The following SLC22A12 variants were observed in gnomAD, a reference collection of about 807,000 sequenced individuals.
SLC22A12 encodes the protein organic anion transporter 4-like protein.
Under a neutral mutation model 52.7 loss-of-function variants are expected in SLC22A12, and 56 were observed. The ratio of observed to expected loss-of-function variants is 1.06; its 90% confidence interval spans 0.86 to 1.33. SLC22A12 has a LOEUF of 1.33. Among genes scored for constraint, SLC22A12 ranks in the 40% most tolerant of loss-of-function variants. SLC22A12 has a pLI of 0.00. For missense variants in SLC22A12, 683 were observed against 741.5 expected, an observed-to-expected ratio of 0.92 and a Z score of 0.92; for synonymous variants, 337 against 324.6, an observed-to-expected ratio of 1.04 and a Z score of -0.41.
chr11:64,598,052 G>A lies in SLC22A12; in HGVS notation c.831-464G>A, dbSNP rs139317797. 2.0e-3 allele frequency among the ~76,000 whole-genome samples: 312 copies of A among 152,260 alleles called. 1 individual carries two copies. The highest frequency in any genetic ancestry group is 7.1e-3 in the African/African-American group (297 of 41,540). On this transcript the variant is annotated intron_variant, in intron 4 of 9. Transcript: ENST00000377574. ...GAAGATGCAGCCATGGGGTGGACAG[G>A]AAGGCCATGTGGTATGGGAGGTGCC...
intron 4 of SLC22A12, among the ~76,000 whole-genome samples, chr11:64,595,871 G>GTT (rs200095307): frequency 8.8e-5 from 12 of 136,790 alleles, no homozygotes; most frequent in Non-Finnish European, 1.9e-4. Context: ...TTGAATGGAT[G>GTT]GAATGGATGG....
At chr11:64,595,857 ATAGT>A (rs1280653453) in intron 4 of SLC22A12, among the ~76,000 whole-genome samples, 16 of 143,996 alleles carry the variant, frequency 1.1e-4, no homozygotes, top group East Asian at 2.2e-4. Flanking sequence ...GGATGGATGG[ATAGT>A]TGAATGGATG....
intron 4 of SLC22A12, among the ~76,000 whole-genome samples, chr11:64,597,757 G>A (rs2039296568): frequency 6.6e-6 from 1 of 152,220 alleles, no homozygotes; most frequent in Non-Finnish European, 1.5e-5. Flanking sequence ...TGGTGGGCAT[G>A]GCAGGCGCTC....
rs1184453366 is a variant in SLC22A12 at position 64,591,817 on chromosome 11, G to A, written c.261G>A (p.Gln87=). Residue 87 remains glutamine, a synonymous_variant, in exon 1 of 10, where the codon CAG becomes CAA. Coordinates refer to ENST00000377574, the MANE Select transcript of SLC22A12 (RefSeq NM_144585.4). ...IPPGPNQRPH[Q]CRRFRQPQWQ... is the part of the protein sequence containing the mutation. Reference sequence around the variant, plus strand: ...CGGGCCCCAACCAGAGGCCCCACCAGTGCCGCCGCTTCCGCCAGCCACAGT... The same window carrying A: ...CGGGCCCCAACCAGAGGCCCCACCAATGCCGCCGCTTCCGCCAGCCACAGT... 6.2e-7 allele frequency: 1 copy of A among 1,612,102 alleles called. No homozygotes were observed. The highest frequency in any genetic ancestry group is 1.1e-5 in the South Asian group (1 of 91,072).
At chr11:64,593,331 C>G in intron 2 of SLC22A12, 74 bp from the exon 3 acceptor site, 3 of 1,609,250 alleles carry the variant, frequency 1.9e-6, no homozygotes, top group East Asian at 2.2e-5. Flanking sequence ...AGGGTGGGCT[C>G]TAGGTGTTCC....
chr11:64,598,600 C>A lies in SLC22A12; in HGVS notation c.915C>A (p.Ile305=), dbSNP rs2135464740. The change falls in exon 5 of 10, where the codon ATC becomes ATA. Residue 305 remains isoleucine (I), a synonymous_variant. Transcript: ENST00000377574. ...GLQELWRVAA[I]NGKGAVQDTL... Reference sequence around the variant, plus strand: ...AGGAGCTGTGGAGGGTGGCTGCCATCAACGGAAAGGGGGCAGTGCAGGACA... The same window carrying A: ...AGGAGCTGTGGAGGGTGGCTGCCATAAACGGAAAGGGGGCAGTGCAGGACA... 6.2e-7 allele frequency: 1 copy of A among 1,610,812 alleles called. No individual in the cohort carries two copies. The highest frequency in any genetic ancestry group is 1.1e-5 in the South Asian group (1 of 90,424).
chr11:64,597,913 G>T (rs1307711526), intron 4 of SLC22A12, among the ~76,000 whole-genome samples: 1 of 152,298 alleles, frequency 6.6e-6, no homozygotes, highest in East Asian at 1.9e-4. Context: ...CAGGTGCGAG[G>T]GGTCCTGGAG....
At chr11:64,592,032 A>C in intron 1 of SLC22A12, 74 bp downstream of exon 1, 1 of 1,567,072 alleles carries the variant, frequency 6.4e-7, no homozygotes, top group Non-Finnish European at 8.6e-7. Context: ...GGTCAGACTC[A>C]AAGGTCCAGT....
rs763262848 is a variant in SLC22A12 at position 64,599,708 on chromosome 11, C to T, written c.1103C>T (p.Ala368Val). 1.3e-6 allele frequency: 2 copies of T among 1,592,606 alleles called. No homozygotes were observed. The highest frequency in any genetic ancestry group is 1.7e-5 in the Admixed American group (1 of 59,056). Reference protein sequence around the residue: ...FAFGFTFFGLALDLQALGSNI... With the variant: ...FAFGFTFFGLVLDLQALGSNI... The stretch of plus-strand genomic sequence containing the variant: ...TTTGGCTTCACCTTCTTCGGCCTGG[C>T]CCTGGACCTGCAGGCCCTGGGCAGC... Residue 368 changes from alanine to valine, a missense_variant, in exon 7 of 10, where the codon GCC (alanine) becomes GTC (valine). Coordinates refer to ENST00000377574, the MANE Select transcript of SLC22A12 (RefSeq NM_144585.4).
chr11:64,592,186 CG>C (rs1565133128), intron 1 of SLC22A12, among the ~76,000 whole-genome samples: 1 of 152,156 alleles, frequency 6.6e-6, no homozygotes, highest in Non-Finnish European at 1.5e-5. Context: ...GGCACCTGGG[CG>C]GGCACCTCTA....
In SLC22A12 at chr11:64,601,267, T is replaced by C. The variant is rs555114906; in HGVS notation, c.1599-221T>C. Among the ~76,000 whole-genome samples the C allele has an allele frequency of 3.3e-5, 5 of 152,262 alleles. No individual in the cohort carries two copies. The East Asian group carries it at 7.7e-4, about 24-fold the overall frequency. On this transcript the variant is annotated intron_variant, in intron 9 of 9. Transcript: ENST00000377574. ...TTGTGAGAGGGAGATCCAGCCATTG[T>C]TGGGGGCCCTCGCAGGCCCCAGATT...
chr11:64,600,414 G>A lies in SLC22A12; in HGVS notation c.1333G>A (p.Val445Met). The A allele has an allele frequency of 2.5e-6, 4 of 1,608,108 alleles. No individual in the cohort carries two copies. The highest frequency in any genetic ancestry group is 3.4e-6 in the Non-Finnish European group (4 of 1,179,306). ...CTTGGCCGTGCTGGGGCTGGGCGGGGTGGGGGCTGCCTTCACCTGCATCAC... is the reference window on the plus strand; with the variant it reads ...CTTGGCCGTGCTGGGGCTGGGCGGGATGGGGGCTGCCTTCACCTGCATCAC... ...SALAVLGLGG[V>M]GAAFTCITIY... The change falls in exon 8 of 10, where the codon GTG becomes ATG. Residue 445 changes from valine (V) to methionine (M), a missense_variant. Transcript: ENST00000377574.
chr11:64,598,296 C>T lies in SLC22A12; in HGVS notation c.831-220C>T, dbSNP rs1171175602. The stretch of plus-strand genomic sequence containing the variant: ...CAGCCCCAGGATGAGAACAGCATCC[C>T]AACCACAATCCCTAGGAGGGAGAAA... On this transcript the variant is annotated intron_variant, in intron 4 of 9. Coordinates refer to ENST00000377574, the MANE Select transcript of SLC22A12 (RefSeq NM_144585.4). 3.3e-5 allele frequency among the ~76,000 whole-genome samples: 5 copies of T among 152,198 alleles called. No individual in the cohort carries two copies. The South Asian group carries it at 6.2e-4, about 19-fold the overall frequency.
intron 4 of SLC22A12, among the ~76,000 whole-genome samples, chr11:64,595,256 TGG>T (rs2039108061): frequency 1.2e-5 from 1 of 80,658 alleles, no homozygotes; most frequent in Admixed American, 1.4e-4. Flanking sequence ...ATGGATGGAA[TGG>T]ATGGATGGAT....
intron 7 of SLC22A12, 44 bp from the exon 8 acceptor site, chr11:64,600,322 TC>T: frequency 6.9e-7 from 1 of 1,448,364 alleles, no homozygotes; most frequent in Non-Finnish European, 9.5e-7. Context: ...CCTCATCTGA[TC>T]TTGGGCCCCC....
At chr11:64,597,302 C>T (rs2039277770) in intron 4 of SLC22A12, among the ~76,000 whole-genome samples, 2 of 152,122 alleles carry the variant, frequency 1.3e-5, no homozygotes, top group African/African-American at 4.8e-5. Context: ...CCTGCAGCCC[C>T]AGCTCCCTCC....
intron 4 of SLC22A12, among the ~76,000 whole-genome samples, chr11:64,594,071 C>G: frequency 6.6e-6 from 1 of 152,238 alleles, no homozygotes; most frequent in Non-Finnish European, 1.5e-5. Context: ...CCCTCCTCCT[C>G]ATCTCTTGGC....
At position 64,592,019 on chromosome 11, in the gene SLC22A12, G is replaced by A. The variant is rs973089156; in HGVS notation, c.402+61G>A. On this transcript the variant is annotated intron_variant, in intron 1 of 9. Transcript: ENST00000377574. ...CCTTGGAGGTCAGTCATGGATCACG[G>A]TGGGTCAGACTCAAAGGTCCAGTCC... The A allele has an allele frequency of 1.9e-6, 3 of 1,582,408 alleles. No homozygotes were observed. The African/African-American group carries it at 4.0e-5, about 21-fold the overall frequency.
intron 2 of SLC22A12, 55 bp downstream of exon 2, chr11:64,592,937 T>G: frequency 1.3e-6 from 2 of 1,503,662 alleles, no homozygotes; most frequent in Non-Finnish European, 1.8e-6. Flanking sequence ...CCTGCTCTCC[T>G]AGGACCCTGG....
Sources: gnomAD v4.1 joint callset for allele counts (sites outside exome capture counted in the v4.1 genomes callset) on GRCh38, gnomAD v4.1.1 for gene constraint, MANE v1.5 for transcripts, NCBI Gene and HGNC (gene_info 2026-07-23, HGNC 2026-07-21) for gene names.